The following CCDC191 variants were observed in gnomAD, a reference collection of about 807,000 sequenced individuals.
CCDC191 encodes the protein coiled-coil domain-containing protein 191.
A neutral mutation model predicts 114.0 loss-of-function variants in CCDC191; 99 were observed. That is an observed-to-expected ratio of 0.87 (90% CI 0.74 to 1.03). The LOEUF is 1.03. CCDC191 is among the 50% of genes least tolerant of loss of function. The pLI is 0.00. For missense variants in CCDC191, 973 were observed against 1,087.0 expected (o/e 0.90, Z 1.47); for synonymous variants, 351 against 376.0 (o/e 0.93, Z 0.77).
intron 2 of CCDC191, among the ~76,000 whole-genome samples, chr3:114,049,343 C>T (rs112770374): frequency 0.011 from 1,693 of 152,258 alleles, 40 homozygotes; most frequent in African/African-American, 0.035. Context: ...CTTTAGGCTC[C>T]TAAATTCTGA....
At chr3:114,004,571 A>G in intron 11 of CCDC191, 66 bp downstream of exon 11, 6 of 1,571,134 alleles carry the variant, frequency 3.8e-6, no homozygotes, top group Non-Finnish European at 5.2e-6. Context: ...ATTCAGTCCC[A>G]GTGTACACAT....
rs147318712 is a variant in CCDC191, at chr3:114,006,514, G to A, written c.1414-552C>T. ...ACCATTGCCATGGGCCAGGACATTC[G>A]TAATAGCAAAAATCTTCTCTTATAA... On this transcript the variant is annotated intron_variant, in intron 9 of 16. Transcript: ENST00000295878. Among the ~76,000 whole-genome samples the A allele has an allele frequency of 2.2e-3, 332 of 147,858 alleles. 4 individuals carry two copies. Among genetic ancestry groups the A allele is most frequent in the Non-Finnish European group, 2.2e-3 (146 of 67,380 alleles).
rs2107756089 is a variant in CCDC191 at position 114,046,637 on chromosome 3, C to A, written c.225G>T (p.Leu75Phe). 1.2e-6 allele frequency: 2 copies of A among 1,611,754 alleles called. No homozygotes were observed. The highest frequency in any genetic ancestry group is 4.5e-5 in the East Asian group (2 of 44,782). Residue 75 changes from leucine (L) to phenylalanine (F), a missense_variant, in exon 3 of 17, where the codon TTG (leucine) becomes TTT (phenylalanine). Physicochemically the swap from Leu to Phe is conservative, Grantham distance 22. Transcript: ENST00000295878. ...GATCCTCTATTTGCTCAGATGTTTT[C>A]AAATCTGTGATTTGGCCCCAGGGAC... ...PRSPWGQITD[L>F]KTSEQIEDHD...
intron 1 of CCDC191, among the ~76,000 whole-genome samples, chr3:114,055,814 A>G (rs1177901926): frequency 6.6e-6 from 1 of 152,228 alleles, no homozygotes; most frequent in Non-Finnish European, 1.5e-5. Context: ...AATGGGTGAT[A>G]GATACGGAGA....
Position 114,010,789 on chromosome 3 carries a change from G to C in CCDC191, c.1396C>G (p.Pro466Ala), listed in dbSNP as rs1009507796. The C allele has an allele frequency of 6.2e-7, 1 of 1,610,842 alleles. No homozygotes were observed. The highest frequency in any genetic ancestry group is 2.2e-5 in the East Asian group (1 of 44,830). ...PEEATAMVGP[P>A]VKNGQETAVP... is the part of the protein sequence containing the mutation. ...CAACGTACCTGTCCATTTTTTACTG[G>C]TGGACCCACCATGGCTGTTGCCTCC... The change falls in exon 9 of 17, where the codon CCA becomes GCA. Residue 466 changes from proline (P) to alanine (A), a missense_variant. Pro to Ala is a conservative substitution (Grantham distance 27, BLOSUM62 -1). Coordinates refer to ENST00000295878, the MANE Select transcript of CCDC191 (RefSeq NM_020817.2).
chr3:114,006,094 T>C (rs917884222), intron 9 of CCDC191, 132 bp from the exon 10 acceptor site: 1 of 825,694 alleles, frequency 1.2e-6, no homozygotes, highest in East Asian at 2.6e-5. Context: ...TGGTCTGTGC[T>C]CCTGGCCTGG....
At chr3:114,031,887 A>G (rs1292928290) in intron 6 of CCDC191, 108 bp from the exon 7 acceptor site, 1 of 596,234 alleles carries the variant, frequency 1.7e-6, no homozygotes, top group Non-Finnish European at 2.9e-6. Flanking sequence ...CGGAATACAC[A>G]TATTTTTAGA....
At chr3:114,009,805 A>T (rs1052190494) in intron 9 of CCDC191, among the ~76,000 whole-genome samples, 16 of 152,322 alleles carry the variant, frequency 1.1e-4, no homozygotes, top group African/African-American at 3.6e-4. Context: ...TCACTGAAGC[A>T]TTGTTCACAA....
Position 114,036,721 on chromosome 3 carries a change from G to T in CCDC191, c.481C>A (p.Leu161Ile), listed in dbSNP as rs1329889893. Residue 161 changes from leucine (L) to isoleucine (I), a missense_variant, in exon 5 of 17, where the codon CTC (leucine) becomes ATC (isoleucine). By Grantham distance (5) the Leu-to-Ile change is conservative. Transcript: ENST00000295878. Reference sequence around the variant, plus strand: ...GCAGAATCTACCACATTTTTATGGAGCAGATGGTCTATAAATTTTTGAACG... The same window carrying T: ...GCAGAATCTACCACATTTTTATGGATCAGATGGTCTATAAATTTTTGAACG... Reference protein sequence around the residue: ...TTVQKFIDHLLHKNVVDSAMM... With the variant: ...TTVQKFIDHLIHKNVVDSAMM... 7 of 1,593,754 alleles carry T rather than the reference G, an allele frequency of 4.4e-6. No homozygotes were observed. The highest frequency in any genetic ancestry group is 1.7e-4 in the Middle Eastern group (1 of 5,990).
chr3:113,979,759 G>A (rs901538625), intron 14 of CCDC191, among the ~76,000 whole-genome samples: 1 of 152,124 alleles, frequency 6.6e-6, no homozygotes, highest in Non-Finnish European at 1.5e-5. Flanking sequence ...TGACCACCAC[G>A]GAGGTCTCTG....
At chr3:114,030,771 C>T (rs2107724675) in intron 7 of CCDC191, among the ~76,000 whole-genome samples, 1 of 152,244 alleles carries the variant, frequency 6.6e-6, no homozygotes, top group Non-Finnish European at 1.5e-5. Flanking sequence ...TAAGTCTATC[C>T]CTACATTTAC....
intron 13 of CCDC191, among the ~76,000 whole-genome samples, chr3:113,992,199 C>A (rs547184660): frequency 2.4e-4 from 36 of 152,092 alleles, no homozygotes; most frequent in Non-Finnish European, 4.1e-4. Context: ...CTAGGTCACC[C>A]CTCCCCCAAG....
At chr3:113,972,172 T>G (rs1940887138) in intron 16 of CCDC191, among the ~76,000 whole-genome samples, 1 of 152,106 alleles carries the variant, frequency 6.6e-6, no homozygotes, top group Non-Finnish European at 1.5e-5. Flanking sequence ...AGTTGACTTA[T>G]TTTTTGAAGT....
Position 114,004,692 on chromosome 3 carries a change from AAG to A in CCDC191, c.1921_1922del (p.Leu641PhefsTer29), listed in dbSNP as rs1559900522. On this transcript the variant is annotated frameshift_variant, in exon 11 of 17. Coordinates refer to ENST00000295878, the MANE Select transcript of CCDC191 (RefSeq NM_020817.2). LOFTEE classifies it high-confidence loss of function. Reference sequence around the variant, plus strand: ...GCTTTGGTTTCCTTCTGAGTCCAGAAAGAGAATTTCGGGAGTCACTTCTGCCT... The same window carrying A: ...GCTTTGGTTTCCTTCTGAGTCCAGAAAGAATTTCGGGAGTCACTTCTGCCT... The part of the protein sequence containing the change: ...TEGRSDSRNS[L>X]SGLRRKPKQL... 1 of 1,613,024 alleles carries A rather than the reference AAG, an allele frequency of 6.2e-7. No homozygotes were observed. Among genetic ancestry groups the A allele is most frequent in the South Asian group, 1.1e-5 (1 of 91,036 alleles).
At chr3:113,983,494 G>C (rs1215970133) in intron 13 of CCDC191, among the ~76,000 whole-genome samples, 1 of 152,286 alleles carries the variant, frequency 6.6e-6, no homozygotes, top group Middle Eastern at 3.4e-3. Flanking sequence ...ACTAGACACT[G>C]TGGAGGCCGC....
intron 8 of CCDC191, among the ~76,000 whole-genome samples, chr3:114,013,431 C>A (rs1382940149): frequency 6.6e-6 from 1 of 152,166 alleles, no homozygotes; most frequent in Non-Finnish European, 1.5e-5. Flanking sequence ...AATTTCTATA[C>A]TTTCTAAAAG....
intron 7 of CCDC191, among the ~76,000 whole-genome samples, chr3:114,025,907 T>C (rs2076314088): frequency 6.6e-6 from 1 of 152,200 alleles, no homozygotes; most frequent in Non-Finnish European, 1.5e-5. Context: ...ACCTCCAGGA[T>C]ACTGTGATAG....
In CCDC191 at chr3:114,040,877, T is replaced by A. The variant is rs547383609; in HGVS notation, c.415+1826A>T. 2.0e-5 allele frequency among the ~76,000 whole-genome samples: 3 copies of A among 152,278 alleles called. No homozygotes were observed. In the East Asian group the frequency reaches 5.8e-4, roughly 29 times the overall value. On this transcript the variant is annotated intron_variant, in intron 4 of 16. Transcript: ENST00000295878. ...ATCAAGTTGAAGAATTTCTCTTGCA[T>A]TACTAGTTTGCTGAGAAGCATTTTT...
At chr3:114,033,222 C>T (rs1044184752) in intron 6 of CCDC191, among the ~76,000 whole-genome samples, 1 of 151,806 alleles carries the variant, frequency 6.6e-6, no homozygotes, top group East Asian at 1.9e-4. Context: ...CTCAGCCTCC[C>T]GAGTAGCTGG....
Sources: allele counts gnomAD v4.1 joint callset (sites outside exome capture counted in the v4.1 genomes callset), GRCh38; gene constraint gnomAD v4.1.1; transcripts MANE v1.5; gene names NCBI Gene and HGNC (gene_info 2026-07-23, HGNC 2026-07-21).